ME1: variants seen among roughly 807,000 people sequenced by gnomAD.
ME1 encodes NADP-dependent malic enzyme.
In ME1, 74 loss-of-function variants were observed where a neutral mutation model predicts 66.4. That is an observed-to-expected ratio of 1.11 (90% CI 0.92 to 1.35). ME1 has a LOEUF of 1.35. Ranked by LOEUF, ME1 falls within the 40% of genes most tolerant of loss-of-function variation. The pLI is 0.00. For missense variants in ME1, 750 were observed against 694.1 expected (o/e 1.08, Z -0.90); for synonymous variants, 251 against 235.6 (o/e 1.07, Z -0.60).
chr6:83,332,065 A>C (rs2128542231), intron 5 of ME1, among the ~76,000 whole-genome samples: 1 of 152,332 alleles, frequency 6.6e-6, no homozygotes, highest in Middle Eastern at 3.4e-3. Flanking sequence ...CGTAACAAGT[A>C]AACTTTATAT....
At chr6:83,305,345 A>G (rs1176453710) in intron 6 of ME1, among the ~76,000 whole-genome samples, 9 of 152,124 alleles carry the variant, frequency 5.9e-5, no homozygotes, top group Admixed American at 5.9e-4. Context: ...GTGGTATTTT[A>G]AAAAAGGAAA....
rs150104904 is a variant in ME1 at position 83,430,906 on chromosome 6, G to A, written c.49C>T (p.Leu17=). ...TTGAGGTGAGGGTTCCGTGTCAGCA[G>A]GTAGCCGCGCTGATGGGTGTGGCGG... ...RRRHTHQRGY[L]LTRNPHLNKD... Residue 17 remains leucine (L), a synonymous_variant, in exon 1 of 14, where the codon CTG becomes TTG. Transcript: ENST00000369705. The A allele has an allele frequency of 2.8e-3, 4,505 of 1,603,332 alleles. 16 individuals are homozygous for A. The highest frequency in any genetic ancestry group is 3.0e-3 in the Non-Finnish European group (3,497 of 1,175,346).
intron 5 of ME1, among the ~76,000 whole-genome samples, chr6:83,322,207 C>T (rs1243307695): frequency 5.9e-5 from 9 of 152,152 alleles, no homozygotes; most frequent in Admixed American, 1.3e-4. Flanking sequence ...AAAACCAGCA[C>T]AAAAAGGCTG....
intron 2 of ME1, among the ~76,000 whole-genome samples, chr6:83,405,774 T>G (rs1490979527): frequency 6.9e-6 from 1 of 145,970 alleles, no homozygotes; most frequent in Non-Finnish European, 1.5e-5. Flanking sequence ...CAGGCTGGAG[T>G]GCAGTGGCGG....
intron 2 of ME1, among the ~76,000 whole-genome samples, chr6:83,398,825 C>T (rs956190826): frequency 7.9e-5 from 12 of 150,952 alleles, no homozygotes; most frequent in Admixed American, 2.6e-4. Context: ...CAAAAGTGGC[C>T]GGGCATGGTG....
intron 3 of ME1, chr6:83,393,402 A>G: frequency 1.4e-6 from 1 of 702,404 alleles, no homozygotes; most frequent in Non-Finnish European, 2.5e-6. Context: ...GTGGCTTCCA[A>G]GGAGTAAGAC....
intron 6 of ME1, among the ~76,000 whole-genome samples, chr6:83,295,090 C>G (rs1442826098): frequency 6.6e-6 from 1 of 152,198 alleles, no homozygotes; most frequent in Non-Finnish European, 1.5e-5. Flanking sequence ...TAAGAGCCTA[C>G]CAACTGACCA....
rs573064013 is a variant in ME1, at chr6:83,295,071, C to T, written c.704+20239G>A. 7.9e-5 allele frequency among the ~76,000 whole-genome samples: 12 copies of T among 152,248 alleles called. No individual in the cohort carries two copies. In the East Asian group the frequency reaches 2.3e-3, roughly 29 times the overall value. On this transcript the variant is annotated intron_variant, in intron 6 of 13. Transcript: ENST00000369705. ...GCAACTGTGGGTAAATATAGAGGAG[C>T]CACATGATTAAGAGCCTACCAACTG... is the stretch of plus-strand genomic sequence containing the variant.
chr6:83,412,120 A>G (rs936056040), intron 1 of ME1, among the ~76,000 whole-genome samples: 1 of 152,248 alleles, frequency 6.6e-6, no homozygotes, highest in Non-Finnish European at 1.5e-5. Flanking sequence ...GTAATTTATC[A>G]GAAACTATTG....
At chr6:83,382,447 T>C (rs1769424406) in intron 3 of ME1, among the ~76,000 whole-genome samples, 2 of 152,060 alleles carry the variant, frequency 1.3e-5, no homozygotes, top group African/African-American at 4.8e-5. Context: ...GTCAATAATA[T>C]TATCTGACAA....
In ME1 at chr6:83,430,311, C is replaced by T. The variant is rs58348648; in HGVS notation, c.78+566G>A. On this transcript the variant is annotated intron_variant, in intron 1 of 13. Coordinates refer to ENST00000369705, the MANE Select transcript of ME1 (RefSeq NM_002395.6). The stretch of plus-strand genomic sequence containing the variant: ...TGTCCAAGACAGAGGCCACCCACCA[C>T]GCATTCCCAGACTCTTAACCGTGTC... Among the ~76,000 whole-genome samples the T allele has an allele frequency of 5.4e-3, 819 of 152,324 alleles. 4 individuals are homozygous for T. The highest frequency in any genetic ancestry group is 0.018 in the African/African-American group (760 of 41,574).
intron 7 of ME1, among the ~76,000 whole-genome samples, chr6:83,249,695 G>A (rs1790688411): frequency 6.6e-6 from 1 of 151,934 alleles, no homozygotes; most frequent in Non-Finnish European, 1.5e-5. Flanking sequence ...CACTTCGACT[G>A]ACTTCCTTCT....
intron 6 of ME1, among the ~76,000 whole-genome samples, chr6:83,275,585 C>A (rs1414033121): frequency 1.4e-5 from 2 of 141,648 alleles, no homozygotes; most frequent in African/African-American, 5.2e-5. Context: ...CCTGCCTCAG[C>A]CTCCCAAGTA....
At chr6:83,254,663 A>G (rs749954534) in intron 6 of ME1, among the ~76,000 whole-genome samples, 5 of 151,996 alleles carry the variant, frequency 3.3e-5, no homozygotes, top group African/African-American at 7.2e-5. Flanking sequence ...TTTTATGTCT[A>G]TTTTCTTCCT....
chr6:83,298,733 A>C (rs1767650342), intron 6 of ME1, among the ~76,000 whole-genome samples: 1 of 151,590 alleles, frequency 6.6e-6, no homozygotes, highest in African/African-American at 2.4e-5. Flanking sequence ...ATCTTGAGTT[A>C]ATTTTTGTAT....
At chr6:83,333,183 C>G (rs1018456226) in intron 5 of ME1, among the ~76,000 whole-genome samples, 1 of 152,060 alleles carries the variant, frequency 6.6e-6, no homozygotes, top group Non-Finnish European at 1.5e-5. Flanking sequence ...TTAAAATTTG[C>G]TAGGTTATTC....
intron 12 of ME1, among the ~76,000 whole-genome samples, chr6:83,223,306 C>G (rs953469789): frequency 1.2e-4 from 19 of 152,116 alleles, no homozygotes; most frequent in African/African-American, 4.6e-4. Flanking sequence ...AGGCACACAC[C>G]ACCATGCCCG....
At chr6:83,272,315 AT>A (rs11369416) in intron 6 of ME1, among the ~76,000 whole-genome samples, 42 of 151,128 alleles carry the variant, frequency 2.8e-4, no homozygotes, top group African/African-American at 9.2e-4. Context: ...ACAGAGAAGC[AT>A]TTTTTTTTCT....
intron 5 of ME1, among the ~76,000 whole-genome samples, chr6:83,345,755 G>A (rs1768673673): frequency 1.3e-5 from 2 of 152,110 alleles, no homozygotes; most frequent in Admixed American, 1.3e-4. Context: ...AGTCATGATT[G>A]AGAAAAGTTA....
Sources: allele counts gnomAD v4.1 joint callset (sites outside exome capture counted in the v4.1 genomes callset), GRCh38; gene constraint gnomAD v4.1.1; transcripts MANE v1.5; gene names NCBI Gene and HGNC (gene_info 2026-07-23, HGNC 2026-07-21).